The following KIT variants were observed in gnomAD, a reference collection of about 807,000 sequenced individuals.
KIT encodes mast/stem cell growth factor receptor Kit.
A neutral mutation model predicts 105.7 loss-of-function variants in KIT; 16 were observed. The ratio of observed to expected loss-of-function variants is 0.15; its 90% CI spans 0.10 to 0.23. KIT has a LOEUF of 0.23. Among genes scored for constraint, KIT ranks in the 10% least tolerant of loss-of-function variants. The probability of loss-of-function intolerance (pLI) is 1.00; values close to 1 mark genes in which losing one functional copy is unlikely to be tolerated. For missense variants in KIT, 858 were observed against 1,213.8 expected (o/e 0.71, Z 4.36); for synonymous variants, 438 against 441.1 (o/e 0.99, Z 0.09).
chr4:54,720,683 ATTAAG>A (rs1183111782), intron 7 of KIT, among the ~76,000 whole-genome samples: 1 of 152,196 alleles, frequency 6.6e-6, no homozygotes, highest in Non-Finnish European at 1.5e-5. Context: ...TCCTCCGCCT[ATTAAG>A]TTAATATTTA....
intron 1 of KIT, among the ~76,000 whole-genome samples, chr4:54,682,090 CTTTT>C (rs375084454): frequency 4.7e-5 from 6 of 128,978 alleles, no homozygotes; most frequent in Admixed American, 7.7e-5. Context: ...ACTGAATTTT[CTTTT>C]TTTTTTTTTT....
At chr4:54,713,475 T>C (rs934473991) in intron 7 of KIT, among the ~76,000 whole-genome samples, 1 of 152,226 alleles carries the variant, frequency 6.6e-6, no homozygotes, top group Admixed American at 6.5e-5. Context: ...GTATGGTTTA[T>C]TTTGTAAATA....
At chr4:54,680,747 T>G (rs1718850581) in intron 1 of KIT, among the ~76,000 whole-genome samples, 1 of 152,082 alleles carries the variant, frequency 6.6e-6, no homozygotes, top group Non-Finnish European at 1.5e-5. Context: ...GGAATTGACA[T>G]TTTGCAGAAG....
chr4:54,719,129 T>TA (rs776357576), intron 7 of KIT, among the ~76,000 whole-genome samples: 4 of 152,188 alleles, frequency 2.6e-5, no homozygotes, highest in Non-Finnish European at 4.4e-5. Context: ...TTTGGAGACT[T>TA]AAGTGTTTGC....
chr4:54,703,028 A>G (rs1014562926), intron 4 of KIT, among the ~76,000 whole-genome samples: 1 of 152,178 alleles, frequency 6.6e-6, no homozygotes, highest in African/African-American at 2.4e-5. Context: ...TGGTTTCCCC[A>G]TGACTTTTTA....
rs147609111 is a variant in KIT, at chr4:54,736,544, G to C, written c.2531G>C (p.Cys844Ser). ...KWMAPESIFN[C>S]VYTFESDVWS... ...ATGGCACCTGAAAGCATTTTCAACT[G>C]TGTATACACGTTTGAAAGTGACGTC... The change falls in exon 18 of 21, where the codon TGT becomes TCT. Residue 844 changes from cysteine (C) to serine (S), a missense_variant. Cys to Ser is a moderately radical substitution (Grantham distance 112, BLOSUM62 -1). Around this residue, in one of 7 missense-constraint regions of KIT, gnomAD observed 63 missense variants for 137.4 expected, o/e 0.46. Transcript: ENST00000288135. 8.7e-6 allele frequency: 14 copies of C among 1,614,134 alleles called. No individual in the cohort carries two copies. Among genetic ancestry groups the C allele is most frequent in the Non-Finnish European group, 1.1e-5 (13 of 1,179,988 alleles).
Position 54,657,967 on chromosome 4 carries a change from G to GAGAGCTGGAACGTGGACC in KIT, c.-41_-24dup. 6.3e-7 allele frequency: 1 copy of GAGAGCTGGAACGTGGACC among 1,595,934 alleles called. No individual in the cohort carries two copies. The highest frequency in any genetic ancestry group is 8.6e-7 in the Non-Finnish European group (1 of 1,165,704). On this transcript the variant is annotated 5_prime_UTR_variant, in exon 1 of 21. Transcript: ENST00000288135. ...TTTGCCGCGCTCGCTGCACTTGGGCGAGAGCTGGAACGTGGACCAGAGCTC... is the reference window on the plus strand; with the variant it reads ...TTTGCCGCGCTCGCTGCACTTGGGCGAGAGCTGGAACGTGGACCAGAGCTGGAACGTGGACCAGAGCTC...
intron 8 of KIT, among the ~76,000 whole-genome samples, chr4:54,724,562 G>A (rs1302752030): frequency 6.6e-6 from 1 of 152,064 alleles, no homozygotes; most frequent in Non-Finnish European, 1.5e-5. Context: ...TCATTCAGTA[G>A]ATACACAGGG....
At chr4:54,732,987 A>C (rs1667214451) in intron 16 of KIT, 83 bp from the exon 17 acceptor site, 4 of 1,144,252 alleles carry the variant, frequency 3.5e-6, no homozygotes, top group African/African-American at 1.5e-5. Flanking sequence ...TATAAGCAAC[A>C]CTATAGTATT....
chr4:54,686,397 AT>A, intron 1 of KIT, among the ~76,000 whole-genome samples: 1 of 152,358 alleles, frequency 6.6e-6, no homozygotes, highest in African/African-American at 2.4e-5. Context: ...GATAGAACAT[AT>A]CTTTAATTTT....
At chr4:54,706,145 T>G (rs1450386094) in intron 5 of KIT, among the ~76,000 whole-genome samples, 1 of 152,086 alleles carries the variant, frequency 6.6e-6, no homozygotes, top group Non-Finnish European at 1.5e-5. Context: ...AGCACTTTTG[T>G]TTTTGGCCTG....
chr4:54,670,958 G>A (rs1560376085), intron 1 of KIT, among the ~76,000 whole-genome samples: 1 of 152,168 alleles, frequency 6.6e-6, no homozygotes, highest in Non-Finnish European at 1.5e-5. Flanking sequence ...AAAAAAATAT[G>A]ACAGACTTCA....
At chr4:54,696,379 G>A (rs1720066923) in intron 2 of KIT, among the ~76,000 whole-genome samples, 1 of 152,162 alleles carries the variant, frequency 6.6e-6, no homozygotes, top group Non-Finnish European at 1.5e-5. Flanking sequence ...ATTTGTCTGT[G>A]ATTTTAATAG....
At chr4:54,705,343 A>T (rs1237777825) in intron 5 of KIT, among the ~76,000 whole-genome samples, 2 of 152,194 alleles carry the variant, frequency 1.3e-5, no homozygotes, top group Non-Finnish European at 2.9e-5. Flanking sequence ...AGACAAACAG[A>T]AAAGTAATTT....
In KIT at chr4:54,723,901, T is replaced by C. The variant is rs555463466; in HGVS notation, c.1346+203T>C. On this transcript the variant is annotated intron_variant, in intron 8 of 20. Transcript: ENST00000288135. Reference sequence around the variant, plus strand: ...ATTTTGTTTGCTGAAAAATCATTACTGAATGACTTCTCTATTTTGGTGTTA... The same window carrying C: ...ATTTTGTTTGCTGAAAAATCATTACCGAATGACTTCTCTATTTTGGTGTTA... Among the ~76,000 whole-genome samples, 294 of 152,354 alleles carry C rather than the reference T, an allele frequency of 1.9e-3. 1 individual carries two copies. Among genetic ancestry groups the C allele is most frequent in the African/African-American group, 6.9e-3 (286 of 41,592 alleles).
At chr4:54,721,161 C>T (rs1164537314) in intron 7 of KIT, among the ~76,000 whole-genome samples, 1 of 152,138 alleles carries the variant, frequency 6.6e-6, no homozygotes, top group Non-Finnish European at 1.5e-5. Flanking sequence ...AACATCGAGT[C>T]TGATGGAGGA....
intron 1 of KIT, among the ~76,000 whole-genome samples, chr4:54,675,287 T>C (rs1718391999): frequency 6.6e-6 from 1 of 152,232 alleles, no homozygotes; most frequent in Non-Finnish European, 1.5e-5. Flanking sequence ...GAAACTTTTG[T>C]TATTTAAATT....
chr4:54,734,984 G>A (rs748683926), intron 17 of KIT, among the ~76,000 whole-genome samples: 6 of 152,098 alleles, frequency 3.9e-5, no homozygotes, highest in Non-Finnish European at 8.8e-5. Flanking sequence ...AAAAGTAATT[G>A]TGGGTTTTGC....
At position 54,736,923 on chromosome 4, in the gene KIT, A is replaced by C. The variant is rs186865943; in HGVS notation, c.2696+103A>C. 850 of 854,952 alleles carry C rather than the reference A, an allele frequency of 9.9e-4. 6 individuals are homozygous for C. The African/African-American group carries it at 0.013, about 13-fold the overall frequency. The allele number at this position is 854,952 out of a possible 1,614,324, so 53.0% of individuals were successfully genotyped here. On this transcript the variant is annotated intron_variant, in intron 19 of 20. Coordinates refer to ENST00000288135, the MANE Select transcript of KIT (RefSeq NM_000222.3). ...GAGGGTTTTCATAACACAGTTTGAA[A>C]TGTCACTTGGATTCTTTATGACACA...
Sources: allele counts gnomAD v4.1 joint callset (sites outside exome capture counted in the v4.1 genomes callset), GRCh38; gene constraint gnomAD v4.1.1; regional missense constraint gnomAD v4.1.1; transcripts MANE v1.5; gene names NCBI Gene and HGNC (gene_info 2026-07-23, HGNC 2026-07-21).